Variants in RORA observed in about 807,000 individuals in gnomAD.
RORA encodes the protein nuclear receptor ROR-alpha.
A neutral mutation model predicts 69.5 loss-of-function variants in RORA; 7 were observed. That is an observed-to-expected ratio of 0.10 (90% CI 0.06 to 0.19). The LOEUF (loss-of-function observed/expected upper bound fraction) is 0.19, where lower values mean the gene tolerates loss of function less well. Among genes scored for constraint, RORA ranks in the 10% least tolerant of loss-of-function variants. The probability of loss-of-function intolerance (pLI) is 1.00; values close to 1 mark genes in which losing one functional copy is unlikely to be tolerated. For missense variants in RORA, 457 were observed against 663.0 expected (o/e 0.69, Z 3.41); for synonymous variants, 261 against 240.8 (o/e 1.08, Z -0.78).
intron 1 of RORA, among the ~76,000 whole-genome samples, chr15:60,718,848 C>T (rs1467211736): frequency 6.6e-6 from 1 of 152,132 alleles, no homozygotes; most frequent in South Asian, 2.1e-4. Flanking sequence ...AAATATTTAC[C>T]ACAAGAAAAT....
intron 2 of RORA, among the ~76,000 whole-genome samples, chr15:60,674,286 C>T (rs1193112712): frequency 1.3e-5 from 2 of 152,034 alleles, no homozygotes; most frequent in Non-Finnish European, 2.9e-5. Flanking sequence ...AAAGTATGGC[C>T]TCAAGGATAG....
intron 1 of RORA, among the ~76,000 whole-genome samples, chr15:60,880,245 T>A (rs1032178995): frequency 5.3e-5 from 8 of 152,228 alleles, no homozygotes; most frequent in Admixed American, 1.3e-4. Context: ...CACCCTGGCA[T>A]TGGTTTGGCA....
At chr15:60,800,534 G>A (rs1350952620) in intron 1 of RORA, among the ~76,000 whole-genome samples, 1 of 152,220 alleles carries the variant, frequency 6.6e-6, no homozygotes, top group East Asian at 1.9e-4. Context: ...GTTAAAAAGA[G>A]AACCTTCTTG....
chr15:60,718,234 A>C (rs965253621), intron 1 of RORA, among the ~76,000 whole-genome samples: 1 of 152,210 alleles, frequency 6.6e-6, no homozygotes, highest in Non-Finnish European at 1.5e-5. Context: ...TATTCTTCTA[A>C]GTTCATCAGT....
At chr15:61,017,718 A>G (rs11634376) in intron 1 of RORA, among the ~76,000 whole-genome samples, 14,531 of 152,230 alleles carry the variant, frequency 0.095, 778 homozygotes, top group African/African-American at 0.12. Context: ...CAAAAAGGCA[A>G]AACAAAGCTG....
chr15:61,114,034 C>G (rs1392985977), intron 1 of RORA, among the ~76,000 whole-genome samples: 1 of 152,160 alleles, frequency 6.6e-6, no homozygotes, highest in Non-Finnish European at 1.5e-5. Flanking sequence ...CCTACGCCAG[C>G]AATATGGTCT....
At chr15:61,198,201 A>G in intron 1 of RORA, among the ~76,000 whole-genome samples, 1 of 152,200 alleles carries the variant, frequency 6.6e-6, no homozygotes, top group South Asian at 2.1e-4. Context: ...ATGATGAGCA[A>G]AATACCAAAA....
At chr15:60,728,834 G>A (rs988050806) in intron 1 of RORA, among the ~76,000 whole-genome samples, 4 of 152,140 alleles carry the variant, frequency 2.6e-5, no homozygotes, top group African/African-American at 9.7e-5. Flanking sequence ...TAATTCAACT[G>A]TAAGTCAGAG....
At chr15:61,084,780 C>T (rs1235653165) in intron 1 of RORA, among the ~76,000 whole-genome samples, 1 of 151,886 alleles carries the variant, frequency 6.6e-6, no homozygotes, top group East Asian at 1.9e-4. Flanking sequence ...ATTCTGGAAC[C>T]TATACCACCT....
intron 1 of RORA, among the ~76,000 whole-genome samples, chr15:61,122,652 T>G (rs1729888910): frequency 2.0e-5 from 3 of 152,162 alleles, no homozygotes; most frequent in Non-Finnish European, 1.5e-5. Context: ...CAGTAATTTT[T>G]TTTTCCCTAA....
At chr15:60,729,932 C>G (rs1188453233) in intron 1 of RORA, among the ~76,000 whole-genome samples, 2 of 152,174 alleles carry the variant, frequency 1.3e-5, no homozygotes, top group African/African-American at 4.8e-5. Flanking sequence ...TCCTTCTTTT[C>G]TGGTTCCATT....
At chr15:61,003,803 T>C (rs1894821906) in intron 1 of RORA, among the ~76,000 whole-genome samples, 2 of 152,212 alleles carry the variant, frequency 1.3e-5, no homozygotes, top group Non-Finnish European at 1.5e-5. Context: ...AAGGTACAGA[T>C]AATAGCTGTG....
chr15:60,976,233 T>C (rs1391427675), intron 1 of RORA, among the ~76,000 whole-genome samples: 3 of 152,178 alleles, frequency 2.0e-5, no homozygotes, highest in African/African-American at 4.8e-5. Flanking sequence ...CCTAAGCCTG[T>C]GGTGGAGCAA....
intron 1 of RORA, among the ~76,000 whole-genome samples, chr15:60,881,142 C>G (rs1349715667): frequency 6.6e-6 from 1 of 152,248 alleles, no homozygotes; most frequent in Non-Finnish European, 1.5e-5. Flanking sequence ...TCTTTGGACC[C>G]TTGCTGCACC....
chr15:60,981,054 T>G (rs1681963175), intron 1 of RORA, among the ~76,000 whole-genome samples: 1 of 151,814 alleles, frequency 6.6e-6, no homozygotes, highest in South Asian at 2.1e-4. Context: ...TCTCATTCAC[T>G]TTTGAAGGAT....
At chr15:60,998,910 C>T (rs1172826598) in intron 1 of RORA, among the ~76,000 whole-genome samples, 3 of 152,202 alleles carry the variant, frequency 2.0e-5, no homozygotes, top group Non-Finnish European at 2.9e-5. Flanking sequence ...CCATAGGAGG[C>T]TCAGATCAGG....
At chr15:60,703,788 A>C (rs1466100941) in intron 1 of RORA, among the ~76,000 whole-genome samples, 1 of 152,082 alleles carries the variant, frequency 6.6e-6, no homozygotes, top group Non-Finnish European at 1.5e-5. Flanking sequence ...GATTAGAGCA[A>C]TATATTGCCA....
intron 1 of RORA, among the ~76,000 whole-genome samples, chr15:61,041,884 A>C (rs1896790684): frequency 6.6e-6 from 1 of 152,232 alleles, no homozygotes; most frequent in Non-Finnish European, 1.5e-5. Flanking sequence ...AATTCATTGA[A>C]TCCTCCTTTT....
chr15:61,144,270 A>G (rs2079325943), intron 1 of RORA, among the ~76,000 whole-genome samples: 1 of 152,228 alleles, frequency 6.6e-6, no homozygotes, highest in Non-Finnish European at 1.5e-5. Context: ...ACCTCAGCTG[A>G]TTCCACGGGC....
Sources: allele counts gnomAD v4.1 joint callset (sites outside exome capture counted in the v4.1 genomes callset), GRCh38; gene constraint gnomAD v4.1.1; transcripts MANE v1.5; gene names NCBI Gene and HGNC (gene_info 2026-07-23, HGNC 2026-07-21).